The following GNG2 variants were observed in gnomAD, a reference collection of about 807,000 sequenced individuals.
The protein encoded by GNG2 is guanine nucleotide-binding protein G(I)/G(S)/G(O) subunit gamma-2.
Under a neutral mutation model 5.5 loss-of-function variants are expected in GNG2, and 5 were observed. That is an observed-to-expected ratio of 0.91 (90% CI 0.48 to 1.92). The LOEUF is 1.92. Ranked by LOEUF, GNG2 falls within the 30% of genes most tolerant of loss-of-function variation. The pLI is 0.01. For synonymous variants in GNG2, 28 were observed against 32.0 expected, an observed-to-expected ratio of 0.88 and a Z score of 0.42; for missense variants, 55 against 88.4, an observed-to-expected ratio of 0.62 and a Z score of 1.52.
chr14:51,862,395 A>G (rs1473280895), intron 1 of GNG2, among the ~76,000 whole-genome samples: 8 of 152,238 alleles, frequency 5.3e-5, no homozygotes, highest in African/African-American at 1.9e-4. Flanking sequence ...AAAGGGAAGT[A>G]TGTAAAGATC....
intron 2 of GNG2, among the ~76,000 whole-genome samples, chr14:51,885,381 A>G (rs1884377749): frequency 6.6e-6 from 1 of 152,182 alleles, no homozygotes; most frequent in South Asian, 2.1e-4. Context: ...TATTTGGAAA[A>G]TAAGTGAGTG....
At chr14:51,911,025 A>G (rs1244337835) in intron 2 of GNG2, among the ~76,000 whole-genome samples, 1 of 152,208 alleles carries the variant, frequency 6.6e-6, no homozygotes, top group East Asian at 1.9e-4. Context: ...TTGAGCCATT[A>G]TTTAACAAAG....
chr14:51,855,626 T>C (rs1459930398), upstream of GNG2, among the ~76,000 whole-genome samples: 1 of 152,204 alleles, frequency 6.6e-6, no homozygotes, highest in Non-Finnish European at 1.5e-5. Context: ...AGCTGAACAA[T>C]TAAGCAAGCC....
chr14:51,927,027 A>G (rs1468163614), intron 2 of GNG2, among the ~76,000 whole-genome samples: 2 of 152,204 alleles, frequency 1.3e-5, no homozygotes, highest in Non-Finnish European at 2.9e-5. Context: ...AGCTGATGTC[A>G]TTTTGAATTA....
chr14:51,937,609 A>T (rs1433031336), intron 2 of GNG2, among the ~76,000 whole-genome samples: 1 of 130,988 alleles, frequency 7.6e-6, no homozygotes, highest in African/African-American at 2.9e-5. Context: ...ATTTCTTTAC[A>T]AAAGAAATAC....
intron 2 of GNG2, among the ~76,000 whole-genome samples, chr14:51,829,540 A>T (rs766930105): frequency 1.3e-5 from 2 of 152,160 alleles, no homozygotes; most frequent in African/African-American, 4.8e-5. Flanking sequence ...CTGCATTTGC[A>T]TAACTGCTAT....
chr14:51,917,794 G>A (rs964486332), intron 2 of GNG2, among the ~76,000 whole-genome samples: 1 of 152,132 alleles, frequency 6.6e-6, no homozygotes. Flanking sequence ...ACCTTGGAAG[G>A]CCAAGGTGGG....
chr14:51,938,128 A>C (rs140374661), intron 2 of GNG2, among the ~76,000 whole-genome samples: 147 of 152,340 alleles, frequency 9.6e-4, no homozygotes, highest in African/African-American at 3.4e-3. Flanking sequence ...TTTAAACCGC[A>C]ATTTAGAATA....
intron 1 of GNG2, among the ~76,000 whole-genome samples, chr14:51,873,000 T>G (rs2140125072): frequency 6.6e-6 from 1 of 152,342 alleles, no homozygotes; most frequent in Non-Finnish European, 1.5e-5. Flanking sequence ...TAAAATCACA[T>G]TATGAAATAC....
In GNG2 at chr14:51,942,262, T is replaced by C. The variant is rs188022995; in HGVS notation, c.-29-8388T>C. 2.1e-3 allele frequency among the ~76,000 whole-genome samples: 322 copies of C among 152,348 alleles called. 2 individuals are homozygous for C. The highest frequency in any genetic ancestry group is 6.5e-3 in the African/African-American group (272 of 41,580). ...CTTTCTTTGAGCAGATTTTTCATGA[T>C]GGCTTTGTGGCTATTTTTTTAGGTA... On this transcript the variant is annotated intron_variant, in intron 2 of 3. Transcript: ENST00000556766.
At chr14:51,857,209 C>T (rs537898873), upstream of GNG2, among the ~76,000 whole-genome samples, 211 of 152,270 alleles carry the variant, frequency 1.4e-3, no homozygotes, top group Middle Eastern at 3.4e-3. Flanking sequence ...CTAGTTTCCA[C>T]GGCCAGGGAA....
Position 51,967,990 on chromosome 14 carries a change from G to T in GNG2, c.*1303G>T, listed in dbSNP as rs931331382. The T allele has an allele frequency of 1.3e-5, 2 of 152,174 alleles. No individual in the cohort carries two copies. The highest frequency in any genetic ancestry group is 2.9e-5 in the Non-Finnish European group (2 of 68,036). 9.4% of individuals were successfully genotyped at this position (152,174 alleles called of 1,614,324 possible). A position where few individuals can be genotyped will look rare whatever the true frequency, so the allele number is the denominator to read the frequency against. On this transcript the variant is annotated 3_prime_UTR_variant, in exon 4 of 4. Transcript: ENST00000556766. ...GCGGCAGGTGCGGTCCCCACGGCCG[G>T]CTCTACGAGGAAGAGTTCTGGCTCT...
At chr14:51,902,747 G>T (rs2140183336) in intron 2 of GNG2, among the ~76,000 whole-genome samples, 2 of 152,166 alleles carry the variant, frequency 1.3e-5, no homozygotes, top group East Asian at 3.9e-4. Flanking sequence ...TAAAAAATTA[G>T]CCGGGCAGTG....
intron 2 of GNG2, among the ~76,000 whole-genome samples, chr14:51,918,890 T>A (rs747886242): frequency 4.6e-5 from 7 of 152,208 alleles, no homozygotes; most frequent in African/African-American, 9.7e-5. Flanking sequence ...AGTGGTACGA[T>A]CTCAGCTCAC....
chr14:51,941,451 A>G (rs1313508829), intron 2 of GNG2, among the ~76,000 whole-genome samples: 4 of 152,248 alleles, frequency 2.6e-5, no homozygotes, highest in African/African-American at 7.2e-5. Flanking sequence ...TAACTTGTAA[A>G]TACACAAAAC....
intron 2 of GNG2, among the ~76,000 whole-genome samples, chr14:51,885,943 G>A (rs934398984): frequency 6.6e-6 from 1 of 152,092 alleles, no homozygotes. Context: ...GACAGAAAAA[G>A]CATCACTTCA....
Position 51,936,140 on chromosome 14 carries a change from G to A in GNG2, c.-29-14510G>A, listed in dbSNP as rs1566698655. ...AGTGCCACTCTGGGCTCCATGCTTT[G>A]GGAGGAATTTTCTAAACCTGTATCA... On this transcript the variant is annotated intron_variant, in intron 2 of 3. Transcript: ENST00000556766. Among the ~76,000 whole-genome samples, 4 of 152,212 alleles carry A rather than the reference G, an allele frequency of 2.6e-5. No individual in the cohort carries two copies. In the South Asian group the frequency reaches 8.3e-4, roughly 32 times the overall value.
At chr14:51,942,589 C>CTTTT (rs56883654) in intron 2 of GNG2, among the ~76,000 whole-genome samples, 16 of 81,120 alleles carry the variant, frequency 2.0e-4, no homozygotes, top group African/African-American at 6.5e-4. Flanking sequence ...TTCTTTCTTT[C>CTTTT]TTTTTTTTTT....
At chr14:51,932,997 A>C (rs961170134) in intron 2 of GNG2, among the ~76,000 whole-genome samples, 1 of 152,164 alleles carries the variant, frequency 6.6e-6, no homozygotes, top group African/African-American at 2.4e-5. Context: ...ACAGAAGCAG[A>C]GATTGGAGTG....
Sources: allele counts gnomAD v4.1 joint callset (sites outside exome capture counted in the v4.1 genomes callset), GRCh38; gene constraint gnomAD v4.1.1; transcripts MANE v1.5; gene names NCBI Gene and HGNC (gene_info 2026-07-23, HGNC 2026-07-21).